KCNN2: variants seen among roughly 807,000 people sequenced by gnomAD.
KCNN2 encodes small conductance calcium-activated potassium channel protein 2.
KCNN2 carries 24 observed loss-of-function variants against 55.5 expected under a neutral mutation model. The ratio of observed to expected loss-of-function variants is 0.43; its 90% confidence interval spans 0.31 to 0.61. The LOEUF (loss-of-function observed/expected upper bound fraction) is 0.61. KCNN2 is among the 20% of genes least tolerant of loss of function. The pLI is 0.08. For synonymous variants in KCNN2, 431 were observed against 336.1 expected (o/e 1.28, Z -3.09); for missense variants, 754 against 853.6 (o/e 0.88, Z 1.45).
chr5:114,104,994 C>A (rs2112574584), intron 1 of KCNN2, among the ~76,000 whole-genome samples: 1 of 152,130 alleles, frequency 6.6e-6, no homozygotes, highest in Non-Finnish European at 1.5e-5. Context: ...CCAGTGTCAC[C>A]TATTCTGTCT....
intron 2 of KCNN2, among the ~76,000 whole-genome samples, chr5:114,252,427 A>G (rs1467821177): frequency 6.6e-6 from 1 of 152,138 alleles, no homozygotes; most frequent in Non-Finnish European, 1.5e-5. Flanking sequence ...GGGAGAGGGA[A>G]TACCTACCAC....
Position 114,081,437 on chromosome 5 carries a change from A to C in KCNN2, c.-271+24937A>C, listed in dbSNP as rs146584258. 3.3e-5 allele frequency among the ~76,000 whole-genome samples: 5 copies of C among 152,324 alleles called. No individual in the cohort carries two copies. In the South Asian group the frequency reaches 1.0e-3, roughly 32 times the overall value. ...AACAGTGTAGTACTGGCATACAGAC[A>C]TACAGACCAATGGAATAGAATAGAG... On this transcript the variant is annotated intron_variant, in intron 1 of 10. Coordinates refer to the KCNN2 transcript ENST00000512097.
In KCNN2 at chr5:114,250,841, G is replaced by A. The variant is rs569115173; in HGVS notation, c.-185+29276G>A. ...GGAAAGGAATTTAATATTTCTCTCC[G>A]GCCATCCATAGACCATTCATTGCCC... On this transcript the variant is annotated intron_variant, in intron 2 of 10. Transcript: ENST00000512097. 6.6e-5 allele frequency among the ~76,000 whole-genome samples: 10 copies of A among 152,202 alleles called. No individual in the cohort carries two copies. The South Asian group carries it at 2.1e-3, about 32-fold the overall frequency.
At position 114,178,959 on chromosome 5, in the gene KCNN2, G is replaced by T. The variant is rs373216779; in HGVS notation, c.-270-42521G>T. On this transcript the variant is annotated intron_variant, in intron 1 of 10. Coordinates refer to the KCNN2 transcript ENST00000512097. ...TAAGAGGGAATATGAATATGGTCTA[G>T]CCCCTGGAGACTTTGAATGCAAAGA... Among the ~76,000 whole-genome samples, 51 of 152,240 alleles carry T rather than the reference G, an allele frequency of 3.3e-4. 1 individual carries two copies. In the South Asian group the frequency reaches 9.3e-3, roughly 28 times the overall value.
intron 3 of KCNN2, among the ~76,000 whole-genome samples, chr5:114,414,604 C>T (rs865783595): frequency 2.0e-5 from 3 of 152,210 alleles, no homozygotes; most frequent in African/African-American, 7.2e-5. Context: ...AGTCTGATCA[C>T]TGTCAAATAA....
chr5:114,127,601 G>C (rs1370594347), intron 1 of KCNN2, among the ~76,000 whole-genome samples: 1 of 152,188 alleles, frequency 6.6e-6, no homozygotes, highest in Non-Finnish European at 1.5e-5. Flanking sequence ...TGCTGGGAAG[G>C]TTTCTGATGT....
chr5:114,241,774 A>G (rs1163359471), intron 2 of KCNN2, among the ~76,000 whole-genome samples: 404 of 14,546 alleles, frequency 0.028, 96 homozygotes, highest in African/African-American at 0.11. Flanking sequence ...GTATATATAT[A>G]CATATATACG....
intron 1 of KCNN2, among the ~76,000 whole-genome samples, chr5:114,212,110 T>C (rs1031791725): frequency 6.6e-6 from 1 of 152,046 alleles, no homozygotes; most frequent in Non-Finnish European, 1.5e-5. Flanking sequence ...AAGAAACATT[T>C]GGTGAAACCA....
chr5:114,237,006 A>G (rs1754510972), intron 2 of KCNN2, among the ~76,000 whole-genome samples: 1 of 152,164 alleles, frequency 6.6e-6, no homozygotes, highest in Admixed American at 6.5e-5. Flanking sequence ...ACTGTTCACA[A>G]TAGGTTCACT....
chr5:114,432,911 C>T (rs1456038836), intron 3 of KCNN2, among the ~76,000 whole-genome samples: 1 of 152,232 alleles, frequency 6.6e-6, no homozygotes, highest in South Asian at 2.1e-4. Context: ...CCTTAGCTGC[C>T]TTCCCGCGGG....
At chr5:114,492,289 C>T (rs1747894938) in intron 6 of KCNN2, among the ~76,000 whole-genome samples, 1 of 152,136 alleles carries the variant, frequency 6.6e-6, no homozygotes, top group African/African-American at 2.4e-5. Flanking sequence ...ATTCCTTCTA[C>T]ATAATTACCT....
At chr5:114,406,722 C>T (rs998896568) in intron 3 of KCNN2, among the ~76,000 whole-genome samples, 2 of 152,272 alleles carry the variant, frequency 1.3e-5, no homozygotes, top group South Asian at 4.1e-4. Context: ...TGACTTGCAT[C>T]TCTATCATGT....
chr5:114,231,383 G>A (rs1224755127), intron 2 of KCNN2, among the ~76,000 whole-genome samples: 32 of 134,960 alleles, frequency 2.4e-4, no homozygotes, highest in Admixed American at 2.2e-3. Context: ...GAATGGTAAT[G>A]CCTAGGTTTT....
At chr5:114,454,723 G>A (rs1435830072) in intron 3 of KCNN2, among the ~76,000 whole-genome samples, 4 of 152,172 alleles carry the variant, frequency 2.6e-5, no homozygotes, top group African/African-American at 9.7e-5. Flanking sequence ...TATCTCCTGT[G>A]AGTTGTCTGT....
chr5:114,288,657 C>T (rs370358233), intron 2 of KCNN2, among the ~76,000 whole-genome samples: 4 of 152,148 alleles, frequency 2.6e-5, no homozygotes, highest in East Asian at 3.9e-4. Context: ...TGTTGTCAAT[C>T]GTATATTTTC....
chr5:114,332,157 T>C (rs1189015716), intron 2 of KCNN2, among the ~76,000 whole-genome samples: 1 of 152,236 alleles, frequency 6.6e-6, no homozygotes, highest in Non-Finnish European at 1.5e-5. Flanking sequence ...ATTAAAAGTA[T>C]AGAATATTCT....
chr5:114,453,916 A>G lies in KCNN2; in HGVS notation c.1638-9133A>G, dbSNP rs143275393. On this transcript the variant is annotated intron_variant, in intron 3 of 7. Coordinates refer to ENST00000673685, the MANE Select transcript of KCNN2 (RefSeq NM_021614.4). ...GGTTTGCTGCACCTGTCAACCCGTCATCTAGGTTTTAAGCCCCACACGCAT... is the reference window on the plus strand; with the variant it reads ...GGTTTGCTGCACCTGTCAACCCGTCGTCTAGGTTTTAAGCCCCACACGCAT... Among the ~76,000 whole-genome samples the G allele has an allele frequency of 1.1e-4, 17 of 152,112 alleles. 2 individuals are homozygous for G. In the East Asian group the frequency reaches 3.3e-3, roughly 29 times the overall value.
chr5:114,339,096 T>A (rs1756973125), intron 2 of KCNN2, among the ~76,000 whole-genome samples: 1 of 152,166 alleles, frequency 6.6e-6, no homozygotes, highest in African/African-American at 2.4e-5. Context: ...CCTTTGGTGG[T>A]TTTTCTCTTT....
chr5:114,139,311 GA>G (rs1752228707), intron 1 of KCNN2, among the ~76,000 whole-genome samples: 1 of 151,934 alleles, frequency 6.6e-6, no homozygotes. Flanking sequence ...ATTTGGAGTG[GA>G]AAAATTTTTA....
Sources: allele counts gnomAD v4.1 joint callset (sites outside exome capture counted in the v4.1 genomes callset), GRCh38; gene constraint gnomAD v4.1.1; transcripts MANE v1.5; gene names NCBI Gene and HGNC (gene_info 2026-07-23, HGNC 2026-07-21).